Variants in NSMCE2 observed in about 807,000 individuals in gnomAD.
The protein encoded by NSMCE2 is NSE2 SUMO ligase component of SMC5/6 complex.
Under a neutral mutation model 23.8 loss-of-function variants are expected in NSMCE2, and 24 were observed. The ratio of observed to expected loss-of-function variants is 1.01; its 90% CI spans 0.73 to 1.42. NSMCE2 has a LOEUF of 1.42. Ranked by LOEUF, NSMCE2 falls within the 40% of genes most tolerant of loss-of-function variation. The probability of loss-of-function intolerance (pLI) is 0.00; values close to 1 mark genes in which losing one functional copy is unlikely to be tolerated. For synonymous variants in NSMCE2, 92 were observed against 94.1 expected, an observed-to-expected ratio of 0.98 and a Z score of 0.13; for missense variants, 284 against 296.5, an observed-to-expected ratio of 0.96 and a Z score of 0.31.
chr8:125,185,639 G>A lies in NSMCE2; in HGVS notation c.418+3383G>A, dbSNP rs1823058617. ...AAAATTTACTGAGAGCCCCCAGAGA[G>A]CTTTTGTTCATTGGTTATATCAACT... On this transcript the variant is annotated intron_variant, in intron 5 of 7. Transcript: ENST00000287437. Among the ~76,000 whole-genome samples the A allele has an allele frequency of 2.6e-5, 4 of 152,234 alleles. No homozygotes were observed. In the South Asian group the frequency reaches 8.3e-4, roughly 32 times the overall value.
intron 4 of NSMCE2, among the ~76,000 whole-genome samples, chr8:125,158,639 T>A (rs1821445380): frequency 6.6e-6 from 1 of 152,210 alleles, no homozygotes; most frequent in African/African-American, 2.4e-5. Context: ...CACAGCAAAC[T>A]CCTGATTATT....
intron 5 of NSMCE2, among the ~76,000 whole-genome samples, chr8:125,326,126 A>G (rs1257245073): frequency 6.6e-6 from 1 of 150,944 alleles, no homozygotes. Flanking sequence ...GTGCGGTGGC[A>G]GGCGCCTGTA....
At chr8:125,290,354 A>G (rs1828062753) in intron 5 of NSMCE2, among the ~76,000 whole-genome samples, 1 of 152,202 alleles carries the variant, frequency 6.6e-6, no homozygotes, top group African/African-American at 2.4e-5. Context: ...GCTGTAAGGA[A>G]AAAGGGGTGT....
At chr8:125,290,267 G>A (rs566364120) in intron 5 of NSMCE2, among the ~76,000 whole-genome samples, 45 of 151,936 alleles carry the variant, frequency 3.0e-4, no homozygotes, top group Non-Finnish European at 5.1e-4. Context: ...TAGTCAAAAC[G>A]TGACTGAAAG....
At chr8:125,343,600 T>C (rs1207127180) in intron 5 of NSMCE2, among the ~76,000 whole-genome samples, 1 of 151,568 alleles carries the variant, frequency 6.6e-6, no homozygotes, top group Non-Finnish European at 1.5e-5. Flanking sequence ...GATTGTTCCA[T>C]TGCACTCCAG....
intron 5 of NSMCE2, among the ~76,000 whole-genome samples, chr8:125,195,879 CTTTTTTTTTT>C (rs34687223): frequency 1.2e-5 from 1 of 83,626 alleles, no homozygotes. Context: ...TCCTGAATAA[CTTTTTTTTTT>C]TTTTTTTTTT....
At chr8:125,207,882 A>C (rs894244527) in intron 5 of NSMCE2, among the ~76,000 whole-genome samples, 1 of 152,196 alleles carries the variant, frequency 6.6e-6, no homozygotes, top group Non-Finnish European at 1.5e-5. Context: ...GAGCCTCTAG[A>C]GCCGGAGCTG....
At chr8:125,102,874 A>C (rs1266765120) in intron 3 of NSMCE2, among the ~76,000 whole-genome samples, 1 of 152,208 alleles carries the variant, frequency 6.6e-6, no homozygotes, top group Non-Finnish European at 1.5e-5. Context: ...GACTAAGCTT[A>C]TGCTAGGGAT....
At chr8:125,260,618 C>T (rs10283200) in intron 5 of NSMCE2, among the ~76,000 whole-genome samples, 80,733 of 149,084 alleles carry the variant, frequency 0.54, 25,119 homozygotes, top group African/African-American at 0.87. Context: ...AATTTCATTT[C>T]ATTTATTTAT....
In NSMCE2 at chr8:125,159,617, A is replaced by C. The variant is rs187871669; in HGVS notation, c.264+8340A>C. Among the ~76,000 whole-genome samples, 4 of 152,260 alleles carry C rather than the reference A, an allele frequency of 2.6e-5. No individual in the cohort carries two copies. In the East Asian group the frequency reaches 7.7e-4, roughly 29 times the overall value. On this transcript the variant is annotated intron_variant, in intron 4 of 7. Transcript: ENST00000287437. ...CCCCATCGTTAAGCAGTGCATGACT[A>C]TACAGGGTTTGGTACTATCTGGGGT... is the stretch of plus-strand genomic sequence containing the variant.
intron 4 of NSMCE2, among the ~76,000 whole-genome samples, chr8:125,151,946 C>G (rs1040240002): frequency 2.0e-5 from 3 of 152,112 alleles, no homozygotes; most frequent in South Asian, 2.1e-4. Context: ...TTTTGTATAC[C>G]TGTGTAATAG....
intron 5 of NSMCE2, among the ~76,000 whole-genome samples, chr8:125,351,596 T>G (rs981110147): frequency 6.6e-6 from 1 of 152,222 alleles, no homozygotes; most frequent in Non-Finnish European, 1.5e-5. Context: ...CTAGTTTGCT[T>G]GTTTTTCTAC....
chr8:125,273,838 G>T (rs552407293), intron 5 of NSMCE2, among the ~76,000 whole-genome samples: 1 of 152,122 alleles, frequency 6.6e-6, no homozygotes, highest in Non-Finnish European at 1.5e-5. Context: ...TGAGTTTGGG[G>T]TGCTGTATAA....
rs191003041 is a variant in NSMCE2, at chr8:125,327,310, C to G, written c.419-29909C>G. Reference sequence around the variant, plus strand: ...AAGAGAGAGAAACCAAAATTGGGAACTATAATTGAAATATAATTACTGAAT... The same window carrying G: ...AAGAGAGAGAAACCAAAATTGGGAAGTATAATTGAAATATAATTACTGAAT... On this transcript the variant is annotated intron_variant, in intron 5 of 7. Coordinates refer to ENST00000287437, the MANE Select transcript of NSMCE2 (RefSeq NM_173685.4). Among the ~76,000 whole-genome samples the G allele has an allele frequency of 8.8e-5, 13 of 148,490 alleles. No individual in the cohort carries two copies. In the South Asian group the frequency reaches 2.8e-3, roughly 32 times the overall value.
At chr8:125,102,987 G>T (rs1288584893) in intron 3 of NSMCE2, among the ~76,000 whole-genome samples, 1 of 152,158 alleles carries the variant, frequency 6.6e-6, no homozygotes, top group Non-Finnish European at 1.5e-5. Flanking sequence ...TGATTTGCAG[G>T]CCGGGTGCAG....
At chr8:125,181,271 T>C (rs898732377) in intron 4 of NSMCE2, among the ~76,000 whole-genome samples, 2 of 152,110 alleles carry the variant, frequency 1.3e-5, no homozygotes, top group Non-Finnish European at 2.9e-5. Context: ...GGTTGTTTGT[T>C]TTAAAAAATG....
At chr8:125,193,000 G>T (rs1160899395) in intron 5 of NSMCE2, among the ~76,000 whole-genome samples, 1 of 152,114 alleles carries the variant, frequency 6.6e-6, no homozygotes, top group African/African-American at 2.4e-5. Context: ...GATATTATTT[G>T]TAATTAATAT....
chr8:125,250,261 G>A (rs145330270), intron 5 of NSMCE2, among the ~76,000 whole-genome samples: 3 of 151,616 alleles, frequency 2.0e-5, no homozygotes, highest in African/African-American at 4.8e-5. Context: ...AAGCCACCAC[G>A]CCCAGCAACA....
At chr8:125,302,519 G>T (rs575168267) in intron 5 of NSMCE2, among the ~76,000 whole-genome samples, 20 of 152,308 alleles carry the variant, frequency 1.3e-4, no homozygotes, top group Admixed American at 3.9e-4. Flanking sequence ...TTACTTAGAG[G>T]TTAATATGGG....
Sources: gnomAD v4.1 joint callset for allele counts (sites outside exome capture counted in the v4.1 genomes callset) on GRCh38, gnomAD v4.1.1 for gene constraint, MANE v1.5 for transcripts, NCBI Gene and HGNC (gene_info 2026-07-23, HGNC 2026-07-21) for gene names.